The following KCNIP4 variants were observed in gnomAD, a reference collection of about 807,000 sequenced individuals.
KCNIP4 encodes the protein potassium voltage-gated channel interacting protein 4.
A neutral mutation model predicts 34.0 loss-of-function variants in KCNIP4; 12 were observed. The observed-to-expected ratio is 0.35, with a 90% CI of 0.23 to 0.57. The LOEUF (loss-of-function observed/expected upper bound fraction) is 0.57. Among genes scored for constraint, KCNIP4 ranks in the 20% least tolerant of loss-of-function variants. The pLI is 0.83. For missense variants in KCNIP4, 238 were observed against 311.7 expected, an observed-to-expected ratio of 0.76 and a Z score of 1.78; for synonymous variants, 124 against 102.2, an observed-to-expected ratio of 1.21 and a Z score of -1.29.
intron 3 of KCNIP4, among the ~76,000 whole-genome samples, chr4:20,817,518 T>C (rs1314540480): frequency 6.6e-6 from 1 of 152,138 alleles, no homozygotes; most frequent in Non-Finnish European, 1.5e-5. Flanking sequence ...CTGAATCAAA[T>C]ATCACCTTCC....
chr4:20,837,684 A>ATT (rs773131443), intron 3 of KCNIP4, among the ~76,000 whole-genome samples: 4,126 of 102,364 alleles, frequency 0.04, 77 homozygotes, highest in African/African-American at 0.054. Context: ...ATATATATAT[A>ATT]TATTTTTTTT....
intron 1 of KCNIP4, among the ~76,000 whole-genome samples, chr4:20,903,940 C>T (rs780777466): frequency 6.6e-5 from 10 of 152,186 alleles, no homozygotes; most frequent in Non-Finnish European, 1.3e-4. Flanking sequence ...ATTAGATTAT[C>T]AATTTTAGAT....
At position 20,829,660 on chromosome 4, in the gene KCNIP4, T is replaced by C. The variant is rs115024844; in HGVS notation, c.288+20883A>G. ...GTACAATCCATTTCTGTTATTACCATGGTTACTACTATTGTTTATTATCCT... is the reference window on the plus strand; with the variant it reads ...GTACAATCCATTTCTGTTATTACCACGGTTACTACTATTGTTTATTATCCT... On this transcript the variant is annotated intron_variant, in intron 3 of 8. Coordinates refer to ENST00000382152, the MANE Select transcript of KCNIP4 (RefSeq NM_025221.6). Among the ~76,000 whole-genome samples, 815 of 152,316 alleles carry C rather than the reference T, an allele frequency of 5.4e-3. 10 individuals are homozygous for C. Among genetic ancestry groups the C allele is most frequent in the African/African-American group, 0.019 (771 of 41,574 alleles).
intron 1 of KCNIP4, among the ~76,000 whole-genome samples, chr4:21,136,248 T>G (rs1751488770): frequency 6.6e-6 from 1 of 152,166 alleles, no homozygotes; most frequent in African/African-American, 2.4e-5. Context: ...AAGGGTTTTG[T>G]TTTCTGACCT....
chr4:21,091,817 C>T (rs1747020472), intron 1 of KCNIP4, among the ~76,000 whole-genome samples: 2 of 152,142 alleles, frequency 1.3e-5, no homozygotes, highest in Admixed American at 1.3e-4. Context: ...ATGAGCACTC[C>T]ACCCTCAAGA....
In KCNIP4 at chr4:20,906,062, T is replaced by C. The variant is rs537262802; in HGVS notation, c.62-23353A>G. Among the ~76,000 whole-genome samples, 292 of 116,510 alleles carry C rather than the reference T, an allele frequency of 2.5e-3. 1 individual carries two copies. The highest frequency in any genetic ancestry group is 8.9e-3 in the African/African-American group (271 of 30,448). 76.4% of individuals were successfully genotyped at this position (116,510 alleles called of 152,430 possible). On this transcript the variant is annotated intron_variant, in intron 1 of 8. Transcript: ENST00000382152. ...CCTTCCCCTTCTCTTCCTCCCTCCCTCCCTCCCTTCCCTCCTTTCTTCCTT... is the reference window on the plus strand; with the variant it reads ...CCTTCCCCTTCTCTTCCTCCCTCCCCCCCTCCCTTCCCTCCTTTCTTCCTT...
At chr4:21,476,320 C>T (rs1412831436) in intron 1 of KCNIP4, among the ~76,000 whole-genome samples, 3 of 152,178 alleles carry the variant, frequency 2.0e-5, no homozygotes, top group Admixed American at 6.5e-5. Context: ...TGTTGTCCCT[C>T]GAATATCATA....
chr4:21,948,329 G>C (rs1730617635), intron 1 of KCNIP4, among the ~76,000 whole-genome samples: 1 of 152,072 alleles, frequency 6.6e-6, no homozygotes, highest in Non-Finnish European at 1.5e-5. Flanking sequence ...TGCCACCGGC[G>C]AGTTTCAAAC....
rs537129383 is a variant in KCNIP4 at position 20,740,221 on chromosome 4, G to A, written c.430-5486C>T. Among the ~76,000 whole-genome samples the A allele has an allele frequency of 2.0e-3, 308 of 152,148 alleles. 2 individuals carry two copies. Among genetic ancestry groups the A allele is most frequent in the African/African-American group, 7.2e-3 (300 of 41,496 alleles). On this transcript the variant is annotated intron_variant, in intron 5 of 8. Coordinates refer to ENST00000382152, the MANE Select transcript of KCNIP4 (RefSeq NM_025221.6). ...CAAGTCAGGCCAACATTCAAATTCA[G>A]GAAATACAGAGAATGCCACCAAGAT...
chr4:20,983,831 A>G (rs776830247), intron 1 of KCNIP4: 19 of 1,536,354 alleles, frequency 1.2e-5, no homozygotes. Flanking sequence ...AAAATCAATC[A>G]GTCCCAGCAA....
chr4:21,480,352 A>G (rs987959204), intron 1 of KCNIP4, among the ~76,000 whole-genome samples: 7 of 152,168 alleles, frequency 4.6e-5, no homozygotes, highest in African/African-American at 1.7e-4. Context: ...TAGAACAACA[A>G]TAACAAAGTG....
chr4:21,811,355 GGT>G (rs1238271809), intron 1 of KCNIP4, among the ~76,000 whole-genome samples: 1 of 152,090 alleles, frequency 6.6e-6, no homozygotes, highest in African/African-American at 2.4e-5. Flanking sequence ...TAAGGATTTG[GGT>G]GGAATAGTGA....
Position 21,598,156 on chromosome 4 carries a change from T to C in KCNIP4, c.61+350415A>G, listed in dbSNP as rs188375118. ...AGAATGTAATACTGTGTTTTATGCA[T>C]AAACAGTGTTGCAAGTACTTACTAC... On this transcript the variant is annotated intron_variant, in intron 1 of 8. Transcript: ENST00000382152. Among the ~76,000 whole-genome samples, 30 of 152,256 alleles carry C rather than the reference T, an allele frequency of 2.0e-4. No homozygotes were observed. The East Asian group carries it at 5.6e-3, about 28-fold the overall frequency.
intron 3 of KCNIP4, among the ~76,000 whole-genome samples, chr4:20,801,256 C>T (rs1453413548): frequency 2.0e-5 from 3 of 150,618 alleles, no homozygotes; most frequent in Admixed American, 1.3e-4. Context: ...ACCACTAGAC[C>T]CATCCTAAAA....
At chr4:21,109,561 G>A (rs1748958713) in intron 1 of KCNIP4, among the ~76,000 whole-genome samples, 1 of 152,214 alleles carries the variant, frequency 6.6e-6, no homozygotes, top group Non-Finnish European at 1.5e-5. Flanking sequence ...TCCCGAGTGA[G>A]GCAATGCCTG....
At chr4:21,461,425 T>TG (rs1422270714) in intron 1 of KCNIP4, among the ~76,000 whole-genome samples, 1 of 150,864 alleles carries the variant, frequency 6.6e-6, no homozygotes, top group African/African-American at 2.4e-5. Context: ...CTTGTGAAGT[T>TG]TTTTTTTTTC....
intron 1 of KCNIP4, among the ~76,000 whole-genome samples, chr4:21,110,768 C>T (rs1414656416): frequency 1.3e-5 from 2 of 152,144 alleles, no homozygotes; most frequent in Non-Finnish European, 2.9e-5. Context: ...CATGTGAGGA[C>T]ACAACAAAAA....
At chr4:21,883,162 T>TG (rs1451053046) in intron 1 of KCNIP4, among the ~76,000 whole-genome samples, 1 of 150,518 alleles carries the variant, frequency 6.6e-6, no homozygotes, top group African/African-American at 2.4e-5. Flanking sequence ...AGTTGTTGTT[T>TG]TTTTTTTTTT....
intron 1 of KCNIP4, among the ~76,000 whole-genome samples, chr4:21,471,459 G>A (rs1411744537): frequency 2.6e-5 from 4 of 151,964 alleles, no homozygotes; most frequent in East Asian, 1.9e-4. Context: ...AAATTTTATC[G>A]GAATCTTTAT....
Sources: allele counts gnomAD v4.1 joint callset (sites outside exome capture counted in the v4.1 genomes callset), GRCh38; gene constraint gnomAD v4.1.1; transcripts MANE v1.5; gene names NCBI Gene and HGNC (gene_info 2026-07-23, HGNC 2026-07-21).